BCL3: variants seen among roughly 807,000 people sequenced by gnomAD.
BCL3 encodes BCL3 transcription coactivator.
In BCL3, 15 loss-of-function variants were observed where a neutral mutation model predicts 35.7. The observed-to-expected ratio is 0.42, with a 90% CI of 0.28 to 0.65. The LOEUF (loss-of-function observed/expected upper bound fraction) is 0.65. Ranked by LOEUF, BCL3 falls within the 30% of genes least tolerant of loss-of-function variation. The probability of loss-of-function intolerance (pLI) is 0.22; values close to 1 mark genes in which losing one functional copy is unlikely to be tolerated. For synonymous variants in BCL3, 311 were observed against 284.3 expected, an observed-to-expected ratio of 1.09 and a Z score of -0.95; for missense variants, 565 against 641.7, an observed-to-expected ratio of 0.88 and a Z score of 1.29.
At chr19:44,755,747 GTC>G (rs201482480) in intron 2 of BCL3, among the ~76,000 whole-genome samples, 3,023 of 152,158 alleles carry the variant, frequency 0.02, 43 homozygotes, top group South Asian at 0.027. Context: ...GTGAAACCAT[GTC>G]TCTACTAAAA....
intron 3 of BCL3, 56 bp downstream of exon 3, chr19:44,756,396 G>A: frequency 7.8e-7 from 1 of 1,280,344 alleles, no homozygotes; most frequent in Non-Finnish European, 1.0e-6. Flanking sequence ...GTCTGACAGA[G>A]GAGGGGCTGG....
rs373245726 is a variant in BCL3, at chr19:44,759,566, G to A, written c.1316G>A (p.Arg439Gln). The A allele has an allele frequency of 1.6e-5, 25 of 1,610,710 alleles. No homozygotes were observed. Among genetic ancestry groups the A allele is most frequent in the South Asian group, 2.2e-5 (2 of 90,918 alleles). Residue 439 changes from arginine to glutamine, a missense_variant, in exon 9 of 9, where the codon CGA becomes CAA. Physicochemically the swap from Arg to Gln is conservative, Grantham distance 43. Transcript: ENST00000164227. ...TTCCTGCCCTTTGCTGGGGTCCTCCGAGGCCCTGGCCGGCCGGTGCCCCCC... is the reference window on the plus strand; with the variant it reads ...TTCCTGCCCTTTGCTGGGGTCCTCCAAGGCCCTGGCCGGCCGGTGCCCCCC... ...PAFLPFAGVL[R>Q]GPGRPVPPSP...
Position 44,757,415 on chromosome 19 carries a change from G to T in BCL3, c.813G>T (p.Val271=). ...LLERGADIDA[V]DIKSGRSPLI... ...AGCGCGGTGCCGACATCGACGCAGT[G>T]GTGAGCGTGCACTAGGAGCTGGGAG... is the stretch of plus-strand genomic sequence containing the variant. Residue 271 remains valine (V), a splice_region_variant and synonymous_variant, in exon 5 of 9, where the codon GTG becomes GTT. Transcript: ENST00000164227. The surrounding 1 kb of genome is among the most constrained non-coding windows in gnomAD (Gnocchi z 8.4). 6.3e-7 allele frequency: 1 copy of T among 1,592,536 alleles called. No individual in the cohort carries two copies. Among genetic ancestry groups the T allele is most frequent in the Non-Finnish European group, 8.5e-7 (1 of 1,169,930 alleles).
rs766601885 is a variant in BCL3 at position 44,758,743 on chromosome 19, G to A, written c.1079G>A (p.Gly360Glu). The A allele has an allele frequency of 1.2e-6, 2 of 1,603,396 alleles. No individual in the cohort carries two copies. The stretch of plus-strand genomic sequence containing the variant: ...CTACAGGTCATCGACATCCTGAGGG[G>A]GAAGGCCACCCGGCCTGCTTCCACC... ...RSRRVIDILR[G>E]KATRPASTSQ... The change falls in exon 8 of 9, where the codon GGG (glycine) becomes GAG (glutamate). Residue 360 changes from glycine (G) to glutamate (E), a missense_variant. By Grantham distance (98) the Gly-to-Glu change is moderately conservative. This residue lies in a region of BCL3 where 151 missense variants were observed against 138.1 expected (regional missense o/e 1.09). Coordinates refer to ENST00000164227, the MANE Select transcript of BCL3 (RefSeq NM_005178.5).
Position 44,753,729 on chromosome 19 carries a change from A to G in BCL3, c.410+2349A>G, listed in dbSNP as rs369544365. Among the ~76,000 whole-genome samples the G allele has an allele frequency of 6.8e-4, 98 of 144,150 alleles. 1 individual carries two copies. In the East Asian group the frequency reaches 0.017, roughly 25 times the overall value. 94.6% of individuals were successfully genotyped at this position (144,150 alleles called of 152,430 possible). ...CAAAAGGTTGGGAGGCTGGGCTTCC[A>G]TCTCCTCACAGGCGGGTACGAGCCT... On this transcript the variant is annotated intron_variant, in intron 2 of 8. Coordinates refer to ENST00000164227, the MANE Select transcript of BCL3 (RefSeq NM_005178.5).
rs532823457 is a variant in BCL3, at chr19:44,759,714, C to A, written c.*99C>A. The A allele has an allele frequency of 7.5e-5, 49 of 654,600 alleles. 1 individual carries two copies. The highest frequency in any genetic ancestry group is 9.2e-5 in the East Asian group (3 of 32,480). The allele number at this position is 654,600 out of a possible 1,614,324, so 40.5% of individuals were successfully genotyped here. A position where few individuals can be genotyped will look rare whatever the true frequency, so the allele number is the denominator to read the frequency against. ...CTGTGAAGATCTCACTCTGCCCCCC[C>A]CCCCCATCTTCGGGACCAGGATTTG... On this transcript the variant is annotated 3_prime_UTR_variant, in exon 9 of 9. Transcript: ENST00000164227.
chr19:44,756,472 G>A, intron 3 of BCL3, 132 bp downstream of exon 3: 2 of 640,282 alleles, frequency 3.1e-6, no homozygotes, highest in Non-Finnish European at 4.7e-6. Flanking sequence ...GAGGGAGGAG[G>A]GACTGGTGCC....
rs899315490 is a variant in BCL3 at position 44,751,254 on chromosome 19, G to A, written c.284G>A (p.Arg95Gln). 1.2e-6 allele frequency: 2 copies of A among 1,610,676 alleles called. No individual in the cohort carries two copies. The highest frequency in any genetic ancestry group is 1.1e-5 in the South Asian group (1 of 90,662). ...PGALLPLYPT[R>Q]AMGSPFPLVN... ...GCCTTACTGCCTTTGTACCCCACTC[G>A]GGCCATGGGCTCCCCGTTTCCTCTG... The change falls in exon 2 of 9, where the codon CGG becomes CAG. Residue 95 changes from arginine (R) to glutamine (Q), a missense_variant. Transcript: ENST00000164227.
upstream of BCL3, chr19:44,747,802 G>T: frequency 9.2e-7 from 1 of 1,088,250 alleles, no homozygotes; most frequent in Non-Finnish European, 1.1e-6. Flanking sequence ...AGATCTCTGC[G>T]CCTGTCTCCA....
upstream of BCL3, chr19:44,748,510 G>A: frequency 5.6e-6 from 1 of 177,772 alleles, no homozygotes; most frequent in Non-Finnish European, 1.1e-5. Flanking sequence ...GCTGCCCCAG[G>A]CGCCGCGGGC....
chr19:44,747,910 ACAAT>A (rs1967095450), upstream of BCL3: 2 of 1,175,758 alleles, frequency 1.7e-6, no homozygotes, highest in African/African-American at 1.6e-5. Context: ...GTGCAGAGAC[ACAAT>A]CAGTGGAGCG....
chr19:44,758,129 A>AC (rs1346460343), intron 6 of BCL3, 117 bp from the exon 7 acceptor site: 27 of 1,099,390 alleles, frequency 2.5e-5, no homozygotes, highest in Admixed American at 3.5e-5. Context: ...CCTTCCTGTG[A>AC]CCCCACCCCG....
At chr19:44,756,699 C>A (rs1227195104) in intron 3 of BCL3, among the ~76,000 whole-genome samples, 1 of 150,932 alleles carries the variant, frequency 6.6e-6, no homozygotes, top group African/African-American at 2.4e-5. Context: ...CTCCTGGTTC[C>A]TGGGGAAGAA....
At chr19:44,756,186 T>G (rs1435582079) in intron 2 of BCL3, 46 bp from the exon 3 acceptor site, 1 of 1,306,568 alleles carries the variant, frequency 7.7e-7, no homozygotes, top group African/African-American at 1.5e-5. Flanking sequence ...GGGTGAGAGG[T>G]GAACAACCCC....
Position 44,757,563 on chromosome 19 carries a change from G to A in BCL3, c.814-83G>A. ...AGACCCAAGAGAGAGGCTGGACCCC[G>A]CGAATGGGATGTGGACGGGATGCGG... On this transcript the variant is annotated intron_variant, in intron 5 of 8. Transcript: ENST00000164227. The surrounding 1 kb of genome is among the most constrained non-coding windows in gnomAD (Gnocchi z 8.4). 1 of 1,556,770 alleles carries A rather than the reference G, an allele frequency of 6.4e-7. No homozygotes were observed. The highest frequency in any genetic ancestry group is 2.3e-5 in the East Asian group (1 of 44,318).
chr19:44,749,571 C>T (rs1453734056), intron 1 of BCL3, among the ~76,000 whole-genome samples: 2 of 151,976 alleles, frequency 1.3e-5, no homozygotes, highest in African/African-American at 2.4e-5. Context: ...GAGACATGGG[C>T]ATTATGAAAA....
At chr19:44,751,471 C>T (rs761881356) in intron 2 of BCL3, 91 bp downstream of exon 2, 20 of 1,329,316 alleles carry the variant, frequency 1.5e-5, no homozygotes, top group Non-Finnish European at 1.8e-5. Flanking sequence ...GGACCTGAGT[C>T]AGAACTCGGT....
intron 2 of BCL3, among the ~76,000 whole-genome samples, chr19:44,754,178 T>C (rs991883167): frequency 2.0e-5 from 3 of 152,128 alleles, no homozygotes; most frequent in African/African-American, 7.2e-5. Context: ...GGGGAAGTCC[T>C]TATTCTTAAA....
At chr19:44,750,032 C>G (rs1273907496) in intron 1 of BCL3, among the ~76,000 whole-genome samples, 1 of 152,170 alleles carries the variant, frequency 6.6e-6, no homozygotes, top group Non-Finnish European at 1.5e-5. Flanking sequence ...TCTACCACAG[C>G]TGTGGCCACG....
Sources: gnomAD v4.1 joint callset for allele counts (sites outside exome capture counted in the v4.1 genomes callset) on GRCh38, gnomAD v4.1.1 for gene constraint, gnomAD v4.1.1 regional missense constraint, Gnocchi (gnomAD v3.1) non-coding constraint, MANE v1.5 for transcripts, NCBI Gene and HGNC (gene_info 2026-07-23, HGNC 2026-07-21) for gene names.